Variants in EGLN3 observed in about 807,000 individuals in gnomAD.
EGLN3 encodes the protein egl-9 family hypoxia inducible factor 3.
EGLN3 carries 15 observed loss-of-function variants against 26.0 expected under a neutral mutation model. The observed-to-expected ratio is 0.58, with a 90% CI of 0.39 to 0.89. EGLN3 has a LOEUF of 0.89. Ranked by LOEUF, EGLN3 falls within the 40% of genes least tolerant of loss-of-function variation. EGLN3 has a pLI of 0.00. For synonymous variants in EGLN3, 147 were observed against 127.2 expected (o/e 1.16, Z -1.05); for missense variants, 238 against 311.6 (o/e 0.76, Z 1.78).
rs968738798 is a variant in EGLN3, at chr14:33,924,879, T to A, written c.*1012A>T. 5 of 150,500 alleles carry A rather than the reference T, an allele frequency of 3.3e-5. No homozygotes were observed. Among genetic ancestry groups the A allele is most frequent in the Non-Finnish European group, 1.5e-5 (1 of 67,764 alleles). The allele number at this position is 150,500 out of a possible 1,614,324, so 9.3% of individuals were successfully genotyped here. On this transcript the variant is annotated 3_prime_UTR_variant, in exon 5 of 5. Transcript: ENST00000250457. Reference sequence around the variant, plus strand: ...TGAGATTTTTTTATTTCCACTTCCTTTTTTAAAATACATCACCTTGCTTTT... The same window carrying A: ...TGAGATTTTTTTATTTCCACTTCCTATTTTAAAATACATCACCTTGCTTTT...
At chr14:33,947,182 A>C (rs2064523812) in intron 1 of EGLN3, among the ~76,000 whole-genome samples, 1 of 152,218 alleles carries the variant, frequency 6.6e-6, no homozygotes, top group South Asian at 2.1e-4. Context: ...CCAAAGAAAA[A>C]GGAGCAAATT....
At position 33,926,875 on chromosome 14, in the gene EGLN3, C is replaced by T. The variant is rs889812798; in HGVS notation, c.688+85G>A. On this transcript the variant is annotated intron_variant, in intron 4 of 4. Transcript: ENST00000250457. ...TAAAGCTAAGCCGTAACAGATTGAACAGAACATGTTTAAAACTACATAAAA... is the reference window on the plus strand; with the variant it reads ...TAAAGCTAAGCCGTAACAGATTGAATAGAACATGTTTAAAACTACATAAAA... The T allele has an allele frequency of 2.4e-5, 24 of 987,244 alleles. 1 individual carries two copies. The South Asian group carries it at 2.5e-4, about 10-fold the overall frequency. 61.2% of individuals were successfully genotyped at this position (987,244 alleles called of 1,614,324 possible). A position where few individuals can be genotyped will look rare whatever the true frequency, so the allele number is the denominator to read the frequency against.
rs1437717115 is a variant in EGLN3, at chr14:33,929,148, A to T, written c.542T>A (p.Ile181Asn). 13 of 1,614,226 alleles carry T rather than the reference A, an allele frequency of 8.1e-6. No individual in the cohort carries two copies. Among genetic ancestry groups the T allele is most frequent in the Non-Finnish European group, 1.1e-5 (13 of 1,180,038 alleles). ...GKSFIADVEPIFDRLLFFWSD... is the reference protein window; with the variant it reads ...GKSFIADVEPNFDRLLFFWSD... ...CCAGAAGAACAGGAGTCTGTCAAAA[A>T]TGGGCTCCACATCTGCTATGAATGA... Residue 181 changes from isoleucine to asparagine, a missense_variant, in exon 3 of 5, where the codon ATT becomes AAT. Ile to Asn is a moderately radical substitution (Grantham distance 149). Transcript: ENST00000250457.
chr14:33,935,208 C>A (rs1297892829), intron 1 of EGLN3, among the ~76,000 whole-genome samples: 2 of 152,262 alleles, frequency 1.3e-5, no homozygotes, highest in Middle Eastern at 3.4e-3. Flanking sequence ...TAATGCACGG[C>A]CTGGCACACA....
Position 33,951,063 on chromosome 14 carries a change from G to T in EGLN3, c.-311C>A. ...GGGGATGGGAAGCCACCACTGCCGC[G>T]ACTGCGGCCAGACTCCGGGAGACGC... On this transcript the variant is annotated 5_prime_UTR_variant, in exon 1 of 5. Coordinates refer to ENST00000250457, the MANE Select transcript of EGLN3 (RefSeq NM_022073.4). The T allele has an allele frequency of 3.0e-6, 1 of 331,010 alleles. No individual in the cohort carries two copies. Among genetic ancestry groups the T allele is most frequent in the Non-Finnish European group, 5.5e-6 (1 of 182,028 alleles). 20.5% of individuals were successfully genotyped at this position (331,010 alleles called of 1,614,324 possible).
In EGLN3 at chr14:33,950,680, C is replaced by T. The variant is rs375896604; in HGVS notation, c.73G>A (p.Glu25Lys). 3.7e-6 allele frequency: 6 copies of T among 1,613,938 alleles called. No individual in the cohort carries two copies. The highest frequency in any genetic ancestry group is 5.1e-6 in the Non-Finnish European group (6 of 1,179,988). ...TTGTCCAGGTAGCAGAAGCCCACCT[C>T]GTGCAGACAGGGCACGATGTACTCC... ...ALEYIVPCLH[E>K]VGFCYLDNFL... Residue 25 changes from glutamate (E) to lysine (K), a missense_variant, in exon 1 of 5, where the codon GAG (glutamate) becomes AAG (lysine). Coordinates refer to ENST00000250457, the MANE Select transcript of EGLN3 (RefSeq NM_022073.4).
At chr14:33,931,850 A>G (rs1171503725) in intron 1 of EGLN3, among the ~76,000 whole-genome samples, 1 of 152,242 alleles carries the variant, frequency 6.6e-6, no homozygotes, top group East Asian at 1.9e-4. Context: ...ATGTATCTTA[A>G]TATGTGTCTT....
intron 1 of EGLN3, among the ~76,000 whole-genome samples, chr14:33,940,052 G>T (rs2064471723): frequency 6.6e-6 from 1 of 152,026 alleles, no homozygotes; most frequent in Admixed American, 6.6e-5. Context: ...GAGTGTGCTT[G>T]GTATTCAGTC....
At chr14:33,932,341 A>G (rs1324553957) in intron 1 of EGLN3, among the ~76,000 whole-genome samples, 1 of 152,188 alleles carries the variant, frequency 6.6e-6, no homozygotes, top group Non-Finnish European at 1.5e-5. Flanking sequence ...TATTTCTGTC[A>G]TTTTAAAAGA....
intron 3 of EGLN3, among the ~76,000 whole-genome samples, chr14:33,928,123 A>G (rs769795637): frequency 2.6e-5 from 4 of 152,164 alleles, no homozygotes; most frequent in Non-Finnish European, 5.9e-5. Context: ...GCCACAAACA[A>G]CAGGGTTTAG....
intron 1 of EGLN3, 177 bp downstream of exon 1, chr14:33,950,219 C>G (rs1280852364): frequency 4.6e-6 from 3 of 648,426 alleles, no homozygotes; most frequent in Non-Finnish European, 8.3e-6. Context: ...CGTTGACTTT[C>G]GCTCAGAGGA....
intron 1 of EGLN3, among the ~76,000 whole-genome samples, chr14:33,934,885 T>G (rs2064430227): frequency 6.6e-6 from 1 of 152,246 alleles, no homozygotes; most frequent in Non-Finnish European, 1.5e-5. Flanking sequence ...TTGCAAAATT[T>G]CCAATAAATG....
In EGLN3 at chr14:33,950,779, T is replaced by A; in HGVS notation, c.-27A>T. The A allele has an allele frequency of 6.4e-7, 1 of 1,569,934 alleles. No individual in the cohort carries two copies. Among genetic ancestry groups the A allele is most frequent in the Non-Finnish European group, 8.7e-7 (1 of 1,150,844 alleles). ...TCGCCCGCAGAATCGAGGTCCGGGA[T>A]CCCCAGCGTGCAACCAGAGAGGGAA... On this transcript the variant is annotated 5_prime_UTR_variant, in exon 1 of 5. Transcript: ENST00000250457.
chr14:33,946,936 G>T (rs1369994460), intron 1 of EGLN3, among the ~76,000 whole-genome samples: 2 of 152,156 alleles, frequency 1.3e-5, no homozygotes, highest in Non-Finnish European at 2.9e-5. Context: ...TGAAACTTTG[G>T]GCACAGTATT....
At chr14:33,942,845 A>G (rs1379761652) in intron 1 of EGLN3, among the ~76,000 whole-genome samples, 3 of 152,232 alleles carry the variant, frequency 2.0e-5, no homozygotes, top group African/African-American at 7.2e-5. Flanking sequence ...GAATCATTGT[A>G]CCTTCTAAAG....
chr14:33,929,232 G>T lies in EGLN3; in HGVS notation c.478-20C>A, dbSNP rs752596760. 1 of 1,613,254 alleles carries T rather than the reference G, an allele frequency of 6.2e-7. No homozygotes were observed. Among genetic ancestry groups the T allele is most frequent in the South Asian group, 1.1e-5 (1 of 90,886 alleles). The stretch of plus-strand genomic sequence containing the variant: ...ATGTAGCTGAAAGACACAAAGAAGG[G>T]GGATTATTTCTTACCTCTCATGTAG... On this transcript the variant is annotated intron_variant, in intron 2 of 4. Coordinates refer to ENST00000250457, the MANE Select transcript of EGLN3 (RefSeq NM_022073.4).
chr14:33,934,186 C>T (rs2064423941), intron 1 of EGLN3, among the ~76,000 whole-genome samples: 1 of 152,170 alleles, frequency 6.6e-6, no homozygotes, highest in East Asian at 1.9e-4. Context: ...CCCCACCTCC[C>T]ACCATCCCCA....
chr14:33,948,978 TCCA>T (rs1274398673), intron 1 of EGLN3: 1 of 152,150 alleles, frequency 6.6e-6, no homozygotes, highest in African/African-American at 2.4e-5. Flanking sequence ...GAGTGACTAA[TCCA>T]CCACCAACAT....
At chr14:33,929,886 C>T (rs2138811536) in intron 2 of EGLN3, among the ~76,000 whole-genome samples, 1 of 152,276 alleles carries the variant, frequency 6.6e-6, no homozygotes. Context: ...AAAATCATCA[C>T]ATGTAACTTC....
Sources: gnomAD v4.1 joint callset for allele counts (sites outside exome capture counted in the v4.1 genomes callset) on GRCh38, gnomAD v4.1.1 for gene constraint, MANE v1.5 for transcripts, NCBI Gene and HGNC (gene_info 2026-07-23, HGNC 2026-07-21) for gene names.